CACNA1C: variants seen among roughly 807,000 people sequenced by gnomAD.
CACNA1C encodes voltage-dependent L-type calcium channel subunit alpha-1C.
A neutral mutation model predicts 229.0 loss-of-function variants in CACNA1C; 30 were observed. The observed-to-expected ratio is 0.13, with a 90% CI of 0.10 to 0.18. CACNA1C has a LOEUF of 0.18. Among genes scored for constraint, CACNA1C ranks in the 10% least tolerant of loss-of-function variants. The pLI is 1.00. For synonymous variants in CACNA1C, 1,114 were observed against 1,132.5 expected (o/e 0.98, Z 0.33); for missense variants, 1,658 against 2,845.0 (o/e 0.58, Z 9.49).
intron 1 of CACNA1C, chr12:2,004,203 G>C (rs1262662551): frequency 6.3e-7 from 1 of 1,574,936 alleles, no homozygotes; most frequent in Non-Finnish European, 8.6e-7. Flanking sequence ...CCCCTCACCG[G>C]GTCCTCAAGT....
At chr12:2,191,648 G>GCA (rs371651697) in intron 3 of CACNA1C, among the ~76,000 whole-genome samples, 14 of 148,088 alleles carry the variant, frequency 9.5e-5, no homozygotes, top group African/African-American at 2.5e-4. Flanking sequence ...ATGTAAACAG[G>GCA]CACACACACG....
At position 2,597,808 on chromosome 12, in the gene CACNA1C, C is replaced by T. The variant is rs2069185885; in HGVS notation, c.2853+519C>T. On this transcript the variant is annotated intron_variant, in intron 21 of 46. Transcript: ENST00000399655. This position sits in a 1 kb window ranked among gnomAD's most constrained non-coding sequence, Gnocchi z 4.3. ...TGGTTGGGGCTGCAGCCGTCAGCAGCGCCAGACATACATGCCCACATGCAC... is the reference window on the plus strand; with the variant it reads ...TGGTTGGGGCTGCAGCCGTCAGCAGTGCCAGACATACATGCCCACATGCAC... 6.6e-6 allele frequency among the ~76,000 whole-genome samples: 1 copy of T among 152,208 alleles called. No individual in the cohort carries two copies. Among genetic ancestry groups the T allele is most frequent in the Admixed American group, 6.5e-5 (1 of 15,276 alleles).
At chr12:2,246,176 G>T (rs765836230) in intron 3 of CACNA1C, among the ~76,000 whole-genome samples, 4 of 152,172 alleles carry the variant, frequency 2.6e-5, no homozygotes, top group Non-Finnish European at 5.9e-5. Flanking sequence ...AGGGCATGGC[G>T]TGGGGACAGT....
At chr12:2,568,816 G>A (rs181025706) in intron 13 of CACNA1C, among the ~76,000 whole-genome samples, 1 of 152,110 alleles carries the variant, frequency 6.6e-6, no homozygotes, top group Non-Finnish European at 1.5e-5. Flanking sequence ...ATGGAGGATG[G>A]TGGTGGTTTC....
At chr12:2,440,338 G>T (rs772304717) in intron 3 of CACNA1C, among the ~76,000 whole-genome samples, 8 of 152,078 alleles carry the variant, frequency 5.3e-5, no homozygotes, top group Middle Eastern at 3.2e-3. Context: ...CTGTGAATTT[G>T]CCTACTCTAG....
chr12:2,581,242 A>G (rs2060381745), intron 13 of CACNA1C, among the ~76,000 whole-genome samples: 1 of 152,222 alleles, frequency 6.6e-6, no homozygotes, highest in Non-Finnish European at 1.5e-5. Flanking sequence ...TAGCCTAATG[A>G]AGCAAGGGCT....
At chr12:2,000,354 G>A (rs1290062388) in intron 1 of CACNA1C, among the ~76,000 whole-genome samples, 2 of 152,048 alleles carry the variant, frequency 1.3e-5, no homozygotes, top group Non-Finnish European at 2.9e-5. Flanking sequence ...ACCTTGGACT[G>A]TTTCATCTTA....
intron 3 of CACNA1C, among the ~76,000 whole-genome samples, chr12:2,300,821 G>T (rs1230487246): frequency 2.0e-5 from 3 of 152,180 alleles, no homozygotes; most frequent in African/African-American, 7.2e-5. Context: ...AGCCATGGAG[G>T]TGGCTGGGGG....
At chr12:2,685,683 G>T (rs2097421588) in intron 43 of CACNA1C, 53 bp from the exon 44 acceptor site, 7 of 1,335,108 alleles carry the variant, frequency 5.2e-6, no homozygotes, top group African/African-American at 1.4e-5. Flanking sequence ...CTGTCCCTGT[G>T]GGTGGCCACT....
rs916604323 is a variant in CACNA1C, at chr12:2,354,673, C to A, written c.478-94303C>A. On this transcript the variant is annotated intron_variant, in intron 3 of 46. Transcript: ENST00000399655. The surrounding 1 kb of genome is among the most constrained non-coding windows in gnomAD (Gnocchi z 4.6). The stretch of plus-strand genomic sequence containing the variant: ...CCAGGGAGAGCCCAGACACTCCTGA[C>A]CACAGACTGGCTTGTAATTTGGCTT... Among the ~76,000 whole-genome samples, 19 of 152,172 alleles carry A rather than the reference C, an allele frequency of 1.2e-4. No individual in the cohort carries two copies. Among genetic ancestry groups the A allele is most frequent in the African/African-American group, 4.3e-4 (18 of 41,424 alleles).
intron 3 of CACNA1C, among the ~76,000 whole-genome samples, chr12:2,153,478 C>T (rs2095397464): frequency 1.3e-5 from 2 of 152,200 alleles, no homozygotes; most frequent in South Asian, 4.2e-4. Flanking sequence ...TTCCCATTCC[C>T]CCTTCCCCCA....
intron 3 of CACNA1C, among the ~76,000 whole-genome samples, chr12:2,179,054 T>A (rs1396518729): frequency 1.4e-5 from 2 of 144,666 alleles, no homozygotes; most frequent in Non-Finnish European, 3.1e-5. Flanking sequence ...AGAGCAAGAC[T>A]CTGTCTCAAA....
intron 3 of CACNA1C, among the ~76,000 whole-genome samples, chr12:2,255,840 T>C: frequency 6.6e-6 from 1 of 152,282 alleles, no homozygotes; most frequent in Non-Finnish European, 1.5e-5. Flanking sequence ...CTTACTAGTT[T>C]ACAATCACAG....
chr12:2,597,406 A>G lies in CACNA1C; in HGVS notation c.2853+117A>G. On this transcript the variant is annotated intron_variant, in intron 21 of 46. Transcript: ENST00000399655. This position sits in a 1 kb window ranked among gnomAD's most constrained non-coding sequence, Gnocchi z 4.3. Reference sequence around the variant, plus strand: ...CTGTTGGTGTGGGGTTCACTCTCAGAGCCACTAATCCAATTATGCTTATTT... The same window carrying G: ...CTGTTGGTGTGGGGTTCACTCTCAGGGCCACTAATCCAATTATGCTTATTT... 1 of 1,573,484 alleles carries G rather than the reference A, an allele frequency of 6.4e-7. No individual in the cohort carries two copies. The highest frequency in any genetic ancestry group is 1.1e-5 in the South Asian group (1 of 90,222).
chr12:1,984,379 T>A (rs1304436779), intron 1 of CACNA1C, among the ~76,000 whole-genome samples: 1 of 152,118 alleles, frequency 6.6e-6, no homozygotes, highest in Non-Finnish European at 1.5e-5. Flanking sequence ...TGGTGATATC[T>A]CTATATTTCT....
chr12:1,995,324 G>A (rs1428755301), intron 1 of CACNA1C, among the ~76,000 whole-genome samples: 1 of 152,232 alleles, frequency 6.6e-6, no homozygotes, highest in Non-Finnish European at 1.5e-5. Context: ...AGAGATGAGT[G>A]AGAACGCACC....
chr12:2,501,382 T>C (rs1382762116), intron 7 of CACNA1C, among the ~76,000 whole-genome samples: 2 of 152,164 alleles, frequency 1.3e-5, no homozygotes, highest in Admixed American at 1.3e-4. Context: ...AGCAGGTGCC[T>C]GGGACTCCCA....
rs1303489995 is a variant in CACNA1C, at chr12:2,115,498, C to T, written c.324C>T (p.Thr108=). The change falls in exon 2 of 47, where the codon ACC becomes ACT. Residue 108 remains threonine (T), a synonymous_variant. Coordinates refer to ENST00000399655, the MANE Select transcript of CACNA1C (RefSeq NM_000719.7). The part of the protein sequence containing the change: ...TRPPRALLCL[T]LKNPIRRACI... ...CGCCCCGAGCCCTGCTCTGCCTGACCCTGAAGAACCCCATCCGGAGGGCCT... is the reference window on the plus strand; with the variant it reads ...CGCCCCGAGCCCTGCTCTGCCTGACTCTGAAGAACCCCATCCGGAGGGCCT... 9 of 1,613,414 alleles carry T rather than the reference C, an allele frequency of 5.6e-6. No homozygotes were observed. Among genetic ancestry groups the T allele is most frequent in the Non-Finnish European group, 7.6e-6 (9 of 1,179,914 alleles).
At chr12:1,973,630 C>T (rs2033265687) in intron 1 of CACNA1C, among the ~76,000 whole-genome samples, 1 of 152,154 alleles carries the variant, frequency 6.6e-6, no homozygotes, top group Non-Finnish European at 1.5e-5. Context: ...CTACTACCCT[C>T]AGGTTTACCA....
Sources: allele counts gnomAD v4.1 joint callset (sites outside exome capture counted in the v4.1 genomes callset), GRCh38; gene constraint gnomAD v4.1.1; non-coding constraint Gnocchi (gnomAD v3.1); transcripts MANE v1.5; gene names NCBI Gene and HGNC (gene_info 2026-07-23, HGNC 2026-07-21).